Variants in SLC35F4 observed in about 807,000 individuals in gnomAD.
SLC35F4 encodes the protein chromosome 14 open reading frame 36.
A neutral mutation model predicts 44.2 loss-of-function variants in SLC35F4; 24 were observed. That is an observed-to-expected ratio of 0.54 (90% confidence interval 0.39 to 0.76). SLC35F4 has a LOEUF of 0.76. Ranked by LOEUF, SLC35F4 falls within the 30% of genes least tolerant of loss-of-function variation. The probability of loss-of-function intolerance (pLI) is 0.00; values close to 1 mark genes in which losing one functional copy is unlikely to be tolerated. For synonymous variants in SLC35F4, 238 were observed against 223.6 expected (o/e 1.06, Z -0.57); for missense variants, 562 against 586.1 (o/e 0.96, Z 0.42).
At position 57,795,755 on chromosome 14, in the gene SLC35F4, G is replaced by A. The variant is rs552057378; in HGVS notation, c.103+69968C>T. Reference sequence around the variant, plus strand: ...AAAAATATTTATATGATGAACTTACGAATAATTTAAAAATTAATAATAGAC... The same window carrying A: ...AAAAATATTTATATGATGAACTTACAAATAATTTAAAAATTAATAATAGAC... On this transcript the variant is annotated intron_variant, in intron 1 of 7. Transcript: ENST00000556826. Among the ~76,000 whole-genome samples the A allele has an allele frequency of 9.2e-5, 14 of 152,114 alleles. No homozygotes were observed. The East Asian group carries it at 9.6e-4, about 10-fold the overall frequency.
chr14:57,904,756 C>T (rs567298078), intron 1 of SLC35F4, among the ~76,000 whole-genome samples: 2 of 152,236 alleles, frequency 1.3e-5, no homozygotes, highest in South Asian at 4.2e-4. Context: ...AGAGTTAAAG[C>T]ACTTATTCCA....
intron 1 of SLC35F4, among the ~76,000 whole-genome samples, chr14:57,695,031 A>G (rs548918111): frequency 6.6e-6 from 1 of 152,298 alleles, no homozygotes; most frequent in Non-Finnish European, 1.5e-5. Flanking sequence ...AAGATGGATT[A>G]AAGACTTAAA....
In SLC35F4 at chr14:57,641,214, C is replaced by T. The variant is rs989506207; in HGVS notation, c.104-47090G>A. On this transcript the variant is annotated intron_variant, in intron 1 of 7. Transcript: ENST00000556826. ...CATCCTAATTATTTACTCAGAGGAA[C>T]GATGATCATAAACACGCTAACTTTA... Among the ~76,000 whole-genome samples the T allele has an allele frequency of 5.9e-5, 9 of 151,876 alleles. No homozygotes were observed. The East Asian group carries it at 1.3e-3, about 23-fold the overall frequency.
At chr14:57,899,275 G>A (rs182277107) in intron 1 of SLC35F4, among the ~76,000 whole-genome samples, 16 of 152,190 alleles carry the variant, frequency 1.1e-4, no homozygotes, top group African/African-American at 2.9e-4. Flanking sequence ...ATTATTTCCC[G>A]TTTTTCACAT....
intron 1 of SLC35F4, among the ~76,000 whole-genome samples, chr14:57,808,611 A>C (rs2140878654): frequency 1.3e-5 from 2 of 150,214 alleles, no homozygotes. Flanking sequence ...CAGCTTGGGC[A>C]ATATGGCAAG....
chr14:57,704,268 G>A (rs930621373), intron 1 of SLC35F4, among the ~76,000 whole-genome samples: 3 of 152,190 alleles, frequency 2.0e-5, no homozygotes, highest in East Asian at 1.9e-4. Flanking sequence ...AAGTCTGGTC[G>A]GACGGAAACC....
rs80039390 is a variant in SLC35F4 at position 57,615,992 on chromosome 14, T to C, written c.104-21868A>G. Among the ~76,000 whole-genome samples, 348 of 152,346 alleles carry C rather than the reference T, an allele frequency of 2.3e-3. 2 individuals carry two copies. Among genetic ancestry groups the C allele is most frequent in the Middle Eastern group, 6.8e-3 (2 of 294 alleles). On this transcript the variant is annotated intron_variant, in intron 1 of 7. Transcript: ENST00000556826. Reference sequence around the variant, plus strand: ...GTCTCTTGATTTTCTACATTTAAAATTGGAAAATAACTACCATTTCTTTAT... The same window carrying C: ...GTCTCTTGATTTTCTACATTTAAAACTGGAAAATAACTACCATTTCTTTAT...
chr14:57,663,049 GA>G (rs1229960312), intron 1 of SLC35F4, among the ~76,000 whole-genome samples: 1 of 152,116 alleles, frequency 6.6e-6, no homozygotes, highest in Non-Finnish European at 1.5e-5. Context: ...TCATGTCTAA[GA>G]GTGGGAATTA....
At chr14:57,575,983 G>A (rs1390694361) in intron 4 of SLC35F4, among the ~76,000 whole-genome samples, 1 of 143,200 alleles carries the variant, frequency 7.0e-6, no homozygotes, top group Admixed American at 7.3e-5. Flanking sequence ...TTGTTTTCTT[G>A]TATCTTTTTT....
chr14:57,883,269 G>A (rs528423002), intron 1 of SLC35F4, among the ~76,000 whole-genome samples: 2 of 152,312 alleles, frequency 1.3e-5, no homozygotes, highest in African/African-American at 4.8e-5. Context: ...ATTGTGGCAA[G>A]AGCCAATAGA....
At chr14:57,704,728 A>G (rs2075627183) in intron 1 of SLC35F4, among the ~76,000 whole-genome samples, 2 of 152,196 alleles carry the variant, frequency 1.3e-5, no homozygotes, top group South Asian at 2.1e-4. Flanking sequence ...CTCTGTGCAA[A>G]GAAAGAGCTC....
At chr14:57,628,729 G>C (rs934206363) in intron 1 of SLC35F4, among the ~76,000 whole-genome samples, 5 of 152,014 alleles carry the variant, frequency 3.3e-5, no homozygotes, top group East Asian at 1.9e-4. Context: ...TCAAAGACAC[G>C]AAACCTCTTA....
In SLC35F4 at chr14:57,843,958, T is replaced by G. The variant is rs926663036; in HGVS notation, c.103+21765A>C. Among the ~76,000 whole-genome samples, 5 of 152,164 alleles carry G rather than the reference T, an allele frequency of 3.3e-5. No homozygotes were observed. The East Asian group carries it at 5.8e-4, about 18-fold the overall frequency. On this transcript the variant is annotated intron_variant, in intron 1 of 7. Transcript: ENST00000556826. ...TTTTTAAAAGCTCTTTACTGAGCTTTGCTACATGAACATGTACTCGTCACA... is the reference window on the plus strand; with the variant it reads ...TTTTTAAAAGCTCTTTACTGAGCTTGGCTACATGAACATGTACTCGTCACA...
intron 1 of SLC35F4, among the ~76,000 whole-genome samples, chr14:57,724,919 T>C (rs537913992): frequency 6.6e-6 from 1 of 152,328 alleles, no homozygotes; most frequent in African/African-American, 2.4e-5. Context: ...TGTGATTATA[T>C]AATAAGTCAT....
intron 1 of SLC35F4, among the ~76,000 whole-genome samples, chr14:57,702,844 ATCT>A (rs923349150): frequency 6.6e-6 from 1 of 152,160 alleles, no homozygotes. Flanking sequence ...GGAGATGCTA[ATCT>A]TCTGTAGGCT....
At chr14:57,681,715 T>C (rs1039514118) in intron 1 of SLC35F4, among the ~76,000 whole-genome samples, 1 of 152,060 alleles carries the variant, frequency 6.6e-6, no homozygotes, top group African/African-American at 2.4e-5. Flanking sequence ...AACAGGAACC[T>C]ACAGAATGGG....
chr14:57,623,001 A>G (rs1199315206), intron 1 of SLC35F4, among the ~76,000 whole-genome samples: 2 of 152,180 alleles, frequency 1.3e-5, no homozygotes, highest in Admixed American at 1.3e-4. Flanking sequence ...TGCCCCAGTT[A>G]AAAGACACAG....
chr14:57,764,560 C>T (rs2077194251), intron 1 of SLC35F4, among the ~76,000 whole-genome samples: 1 of 152,184 alleles, frequency 6.6e-6, no homozygotes, highest in Non-Finnish European at 1.5e-5. Context: ...TTCTAAATTG[C>T]CTTTTTATCA....
chr14:57,587,538 C>T (rs1413530031), intron 3 of SLC35F4, among the ~76,000 whole-genome samples: 1 of 152,196 alleles, frequency 6.6e-6, no homozygotes, highest in Non-Finnish European at 1.5e-5. Flanking sequence ...GCAAACACTG[C>T]ATGTTCTCAC....
Sources: allele counts gnomAD v4.1 joint callset (sites outside exome capture counted in the v4.1 genomes callset), GRCh38; gene constraint gnomAD v4.1.1; transcripts MANE v1.5; gene names NCBI Gene and HGNC (gene_info 2026-07-23, HGNC 2026-07-21).